TGFBR3: variants seen among roughly 807,000 people sequenced by gnomAD.
The protein encoded by TGFBR3 is transforming growth factor beta receptor type 3.
A neutral mutation model predicts 87.9 loss-of-function variants in TGFBR3; 46 were observed. That is an observed-to-expected ratio of 0.52 (90% CI 0.41 to 0.67). The LOEUF is 0.67. Ranked by LOEUF, TGFBR3 falls within the 30% of genes least tolerant of loss-of-function variation. The probability of loss-of-function intolerance (pLI) is 0.00; values close to 1 mark genes in which losing one functional copy is unlikely to be tolerated. For synonymous variants in TGFBR3, 381 were observed against 391.6 expected (o/e 0.97, Z 0.32); for missense variants, 866 against 1,041.9 (o/e 0.83, Z 2.32).
Position 91,852,692 on chromosome 1 carries a change from G to A in TGFBR3, c.61+8779C>T, listed in dbSNP as rs547088662. 9.9e-5 allele frequency among the ~76,000 whole-genome samples: 15 copies of A among 152,212 alleles called. No homozygotes were observed. The South Asian group carries it at 2.3e-3, about 23-fold the overall frequency. ...AGTGGTTCTCCTGCCTCAGCCTCTCGAGTAGCTGGGATTACAGGCAGCCAC... is the reference window on the plus strand; with the variant it reads ...AGTGGTTCTCCTGCCTCAGCCTCTCAAGTAGCTGGGATTACAGGCAGCCAC... On this transcript the variant is annotated intron_variant, in intron 2 of 16. Coordinates refer to ENST00000212355, the MANE Select transcript of TGFBR3 (RefSeq NM_003243.5).
intron 2 of TGFBR3, among the ~76,000 whole-genome samples, chr1:91,814,426 T>G (rs1365170442): frequency 1.3e-5 from 2 of 152,018 alleles, no homozygotes; most frequent in Non-Finnish European, 2.9e-5. Flanking sequence ...GGAAGTGTAC[T>G]TTTTTTTAAT....
chr1:91,734,562 C>T (rs1479368554), intron 5 of TGFBR3, among the ~76,000 whole-genome samples: 1 of 152,200 alleles, frequency 6.6e-6, no homozygotes, highest in South Asian at 2.1e-4. Flanking sequence ...CTGTGTTTCA[C>T]TTGGCCATAA....
At chr1:91,896,205 A>G (rs1342705354) in intron 2 of TGFBR3, among the ~76,000 whole-genome samples, 1 of 152,230 alleles carries the variant, frequency 6.6e-6, no homozygotes, top group Non-Finnish European at 1.5e-5. Flanking sequence ...GGCAGGGGCC[A>G]TGGCTATCTT....
chr1:91,826,557 C>T (rs1676645464), intron 2 of TGFBR3, among the ~76,000 whole-genome samples: 2 of 152,250 alleles, frequency 1.3e-5, no homozygotes, highest in East Asian at 3.9e-4. Context: ...ACCTCTCTCG[C>T]TCTTAGCTGA....
At chr1:91,863,954 C>T (rs1215104224) in intron 1 of TGFBR3, 3 of 152,066 alleles carry the variant, frequency 2.0e-5, no homozygotes, top group Admixed American at 6.5e-5. Context: ...TTTTTCCCTT[C>T]GAAATATTAG....
At chr1:91,716,535 TC>T in intron 11 of TGFBR3, 32 bp downstream of exon 11, 1 of 1,614,110 alleles carries the variant, frequency 6.2e-7, no homozygotes, top group Non-Finnish European at 8.5e-7. Context: ...GACAGCATTT[TC>T]CACAAACCCC....
intron 2 of TGFBR3, among the ~76,000 whole-genome samples, chr1:91,821,739 G>T (rs1676459691): frequency 6.6e-6 from 1 of 152,176 alleles, no homozygotes; most frequent in Non-Finnish European, 1.5e-5. Context: ...ACCTGGCTTT[G>T]AATCCTGGTT....
At chr1:91,780,884 TACACACAC>T (rs56862200) in intron 3 of TGFBR3, among the ~76,000 whole-genome samples, 13,451 of 132,526 alleles carry the variant, frequency 0.1, 718 homozygotes, top group Middle Eastern at 0.19. Context: ...ACTAGAGAAC[TACACACAC>T]ACACACACAC....
At position 91,720,166 on chromosome 1, in the gene TGFBR3, AG is replaced by A; in HGVS notation, c.1139del (p.Pro380LeufsTer82). The A allele has an allele frequency of 6.2e-7, 1 of 1,613,462 alleles. No individual in the cohort carries two copies. The highest frequency in any genetic ancestry group is 8.5e-7 in the Non-Finnish European group (1 of 1,179,734). The part of the protein sequence containing the change: ...IPPELRILLD[P>X]GALPALQNPP... The stretch of plus-strand genomic sequence containing the variant: ...GGTTCTGCAGGGCAGGCAGGGCACC[AG>A]GGTCCAGCAGGATCCGTAGCTCAGG... On this transcript the variant is annotated frameshift_variant, in exon 9 of 17. Transcript: ENST00000212355. LOFTEE classifies it high-confidence loss of function.
chr1:91,817,262 C>T (rs907491575), intron 2 of TGFBR3, among the ~76,000 whole-genome samples: 9 of 152,088 alleles, frequency 5.9e-5, no homozygotes, highest in Non-Finnish European at 8.8e-5. Context: ...AACGTTCAAA[C>T]GGCATGGAAA....
At chr1:91,696,912 T>G (rs958571463) in intron 15 of TGFBR3, among the ~76,000 whole-genome samples, 16 of 152,114 alleles carry the variant, frequency 1.1e-4, no homozygotes, top group Non-Finnish European at 2.1e-4. Context: ...TCGGGGAAAG[T>G]ATGCTGTGGT....
intron 1 of TGFBR3, among the ~76,000 whole-genome samples, chr1:91,883,314 C>T (rs901644781): frequency 6.6e-6 from 1 of 151,982 alleles, no homozygotes; most frequent in African/African-American, 2.4e-5. Flanking sequence ...CTACACACCA[C>T]TTAAGGAAAC....
At chr1:91,695,857 A>T (rs1030182848) in intron 15 of TGFBR3, 78 bp from the exon 16 acceptor site, 3 of 1,138,582 alleles carry the variant, frequency 2.6e-6, no homozygotes, top group Non-Finnish European at 4.0e-6. Flanking sequence ...TTTGTTTCAC[A>T]AGCACTGTCA....
At chr1:91,737,031 G>A (rs1034977390) in intron 4 of TGFBR3, among the ~76,000 whole-genome samples, 3 of 152,210 alleles carry the variant, frequency 2.0e-5, no homozygotes, top group East Asian at 3.8e-4. Context: ...ATTAAAGAGC[G>A]ATGCCGTGAT....
chr1:91,863,531 C>T (rs189078382), intron 1 of TGFBR3, among the ~76,000 whole-genome samples: 6 of 152,328 alleles, frequency 3.9e-5, no homozygotes, highest in Admixed American at 6.5e-5. Context: ...ATGTTAGCTA[C>T]AATTACTGTA....
chr1:91,768,686 T>C (rs914870423), intron 3 of TGFBR3, among the ~76,000 whole-genome samples: 1 of 152,226 alleles, frequency 6.6e-6, no homozygotes, highest in African/African-American at 2.4e-5. Flanking sequence ...CCATGTAAGA[T>C]GTGTCTGCTT....
chr1:91,796,718 AATTATT>A (rs1188043613), intron 3 of TGFBR3, among the ~76,000 whole-genome samples: 3 of 152,034 alleles, frequency 2.0e-5, no homozygotes, highest in Non-Finnish European at 4.4e-5. Context: ...TAAAAGATGA[AATTATT>A]ATTATTATTT....
intron 2 of TGFBR3, among the ~76,000 whole-genome samples, chr1:91,821,082 G>A (rs1418883637): frequency 1.8e-4 from 27 of 152,026 alleles, no homozygotes; most frequent in Admixed American, 1.8e-3. Context: ...TGTAATCCCA[G>A]CACTTGGGAG....
chr1:91,683,735 T>G lies in TGFBR3; in HGVS notation c.*4A>C. On this transcript the variant is annotated 3_prime_UTR_variant, in exon 17 of 17. Coordinates refer to ENST00000212355, the MANE Select transcript of TGFBR3 (RefSeq NM_003243.5). ...TGGGTTGGGCCGGGTTGGGCTGGGT[T>G]GGGCTAGGCCGTGCTGCTGCTGGAG... is the stretch of plus-strand genomic sequence containing the variant. The G allele has an allele frequency of 6.4e-7, 1 of 1,555,346 alleles. No homozygotes were observed. The highest frequency in any genetic ancestry group is 8.7e-7 in the Non-Finnish European group (1 of 1,155,886).
Sources: allele counts gnomAD v4.1 joint callset (sites outside exome capture counted in the v4.1 genomes callset), GRCh38; gene constraint gnomAD v4.1.1; transcripts MANE v1.5; gene names NCBI Gene and HGNC (gene_info 2026-07-23, HGNC 2026-07-21).